The following SEMA5A variants were observed in gnomAD, a reference collection of about 807,000 sequenced individuals.
SEMA5A encodes the protein semaphorin-5A.
A neutral mutation model predicts 135.5 loss-of-function variants in SEMA5A; 55 were observed. That is an observed-to-expected ratio of 0.41 (90% CI 0.33 to 0.51). SEMA5A has a LOEUF of 0.51. Among genes scored for constraint, SEMA5A ranks in the 20% least tolerant of loss-of-function variants. The pLI is 0.37. For synonymous variants in SEMA5A, 580 were observed against 546.5 expected (o/e 1.06, Z -0.85); for missense variants, 1,290 against 1,419.9 (o/e 0.91, Z 1.47).
At chr5:9,232,248 C>T (rs764865033) in intron 6 of SEMA5A, among the ~76,000 whole-genome samples, 1 of 152,084 alleles carries the variant, frequency 6.6e-6, no homozygotes, top group Non-Finnish European at 1.5e-5. Flanking sequence ...ATACCCAGCC[C>T]GTCGCCCAGC....
intron 5 of SEMA5A, among the ~76,000 whole-genome samples, chr5:9,317,615 C>T (rs1482386046): frequency 1.3e-5 from 2 of 152,198 alleles, no homozygotes; most frequent in Non-Finnish European, 2.9e-5. Context: ...CCTCTCCAAT[C>T]ACCTCTTAGA....
At chr5:9,543,401 A>G (rs536722284) in intron 1 of SEMA5A, among the ~76,000 whole-genome samples, 1 of 152,346 alleles carries the variant, frequency 6.6e-6, no homozygotes, top group Admixed American at 6.5e-5. Context: ...TGATGAAATC[A>G]TTTTAAAGGG....
At chr5:9,326,625 CAA>C (rs1310625772) in intron 4 of SEMA5A, among the ~76,000 whole-genome samples, 2 of 151,334 alleles carry the variant, frequency 1.3e-5, no homozygotes, top group East Asian at 4.0e-4. Flanking sequence ...ACTAAATATA[CAA>C]AAAAATTAGC....
intron 11 of SEMA5A, among the ~76,000 whole-genome samples, chr5:9,164,125 CATATAAATATTTATATAATTATAAAT>C (rs1579519874): frequency 9.8e-6 from 1 of 101,584 alleles, no homozygotes; most frequent in East Asian, 2.9e-4. Flanking sequence ...ATAAATATAT[CATATAAATATTTATATAATTATAAAT>C]ATATCATATA....
chr5:9,299,398 T>C (rs1234457632), intron 5 of SEMA5A, among the ~76,000 whole-genome samples: 2 of 152,174 alleles, frequency 1.3e-5, no homozygotes, highest in Non-Finnish European at 2.9e-5. Context: ...CTGGAAGGTT[T>C]GAATTCAGTT....
At chr5:9,303,600 C>T (rs13163735) in intron 5 of SEMA5A, among the ~76,000 whole-genome samples, 104,171 of 151,842 alleles carry the variant, frequency 0.69, 38,521 homozygotes, top group Non-Finnish European at 0.83. Flanking sequence ...GAGAGACTTT[C>T]GAATGTTCTC....
At chr5:9,476,563 G>A (rs1225654768) in intron 1 of SEMA5A, among the ~76,000 whole-genome samples, 3 of 152,106 alleles carry the variant, frequency 2.0e-5, no homozygotes, top group East Asian at 3.9e-4. Context: ...CAGGCTGGAT[G>A]GAGTCATGAT....
rs1012832375 is a variant in SEMA5A at position 9,397,064 on chromosome 5, A to T, written c.-77-17041T>A. Among the ~76,000 whole-genome samples the T allele has an allele frequency of 4.7e-5, 7 of 150,022 alleles. No homozygotes were observed. In the South Asian group the frequency reaches 1.1e-3, roughly 23 times the overall value. On this transcript the variant is annotated intron_variant, in intron 2 of 22. Coordinates refer to ENST00000382496, the MANE Select transcript of SEMA5A (RefSeq NM_003966.3). ...AACAAGGAAGACAAAAAAAAAAAAT[A>T]GGACCAAAGAAGACAAAATAAAATC...
intron 15 of SEMA5A, among the ~76,000 whole-genome samples, chr5:9,110,332 G>C (rs1235066977): frequency 6.6e-6 from 1 of 152,154 alleles, no homozygotes; most frequent in African/African-American, 2.4e-5. Context: ...TGAGATTCGA[G>C]GAGCTCCTCA....
At chr5:9,157,300 A>T (rs1806101) in intron 11 of SEMA5A, among the ~76,000 whole-genome samples, 1 of 151,910 alleles carries the variant, frequency 6.6e-6, no homozygotes, top group East Asian at 1.9e-4. Flanking sequence ...TGATTACCCT[A>T]GGGTCTGTCT....
intron 19 of SEMA5A, among the ~76,000 whole-genome samples, chr5:9,052,565 A>G (rs1579307095): frequency 6.6e-6 from 1 of 152,162 alleles, no homozygotes; most frequent in South Asian, 2.1e-4. Context: ...TTCTGTTATA[A>G]AAACAATTCC....
intron 3 of SEMA5A, among the ~76,000 whole-genome samples, chr5:9,355,524 AT>A (rs1754402654): frequency 6.6e-6 from 1 of 152,180 alleles, no homozygotes; most frequent in African/African-American, 2.4e-5. Flanking sequence ...CTATGGGGTG[AT>A]TTCTGAGACA....
chr5:9,346,567 G>A (rs558836390), intron 3 of SEMA5A, among the ~76,000 whole-genome samples: 85 of 152,266 alleles, frequency 5.6e-4, no homozygotes, highest in African/African-American at 1.9e-3. Flanking sequence ...ACAGGGAGTT[G>A]GCTCCTGCCA....
At chr5:9,425,218 C>G (rs1561242575) in intron 2 of SEMA5A, among the ~76,000 whole-genome samples, 1 of 151,700 alleles carries the variant, frequency 6.6e-6, no homozygotes, top group Non-Finnish European at 1.5e-5. Context: ...AGCACTTAAC[C>G]ACTGGACAAT....
At chr5:9,365,729 T>C (rs149392775) in intron 3 of SEMA5A, among the ~76,000 whole-genome samples, 379 of 152,284 alleles carry the variant, frequency 2.5e-3, no homozygotes, top group African/African-American at 8.4e-3. Context: ...ATGCAAACAA[T>C]TCTGCACATG....
At chr5:9,326,212 A>G (rs555958642) in intron 4 of SEMA5A, among the ~76,000 whole-genome samples, 2 of 152,094 alleles carry the variant, frequency 1.3e-5, no homozygotes, top group Non-Finnish European at 2.9e-5. Flanking sequence ...GACATCCTAC[A>G]TGATACGCAC....
chr5:9,494,529 T>C lies in SEMA5A; in HGVS notation c.-175+51055A>G, dbSNP rs570110288. 2.6e-5 allele frequency among the ~76,000 whole-genome samples: 4 copies of C among 152,302 alleles called. No individual in the cohort carries two copies. The East Asian group carries it at 7.7e-4, about 29-fold the overall frequency. On this transcript the variant is annotated intron_variant, in intron 1 of 22. Coordinates refer to ENST00000382496, the MANE Select transcript of SEMA5A (RefSeq NM_003966.3). Reference sequence around the variant, plus strand: ...AGGGCAGATGCTTCCTAATTGACACTGCTCCTAGCCCCCAGGCCCTGATCT... The same window carrying C: ...AGGGCAGATGCTTCCTAATTGACACCGCTCCTAGCCCCCAGGCCCTGATCT...
chr5:9,150,338 G>A (rs1008142769), intron 12 of SEMA5A, among the ~76,000 whole-genome samples: 27 of 152,104 alleles, frequency 1.8e-4, no homozygotes, highest in African/African-American at 6.3e-4. Context: ...TGGTCAATAA[G>A]GCCTAAAATG....
At chr5:9,494,434 CAG>C (rs1477479014) in intron 1 of SEMA5A, among the ~76,000 whole-genome samples, 1 of 152,168 alleles carries the variant, frequency 6.6e-6, no homozygotes, top group Non-Finnish European at 1.5e-5. Flanking sequence ...TTAATCAGAA[CAG>C]AGTCTATTCA....
Sources: allele counts gnomAD v4.1 joint callset (sites outside exome capture counted in the v4.1 genomes callset), GRCh38; gene constraint gnomAD v4.1.1; transcripts MANE v1.5; gene names NCBI Gene and HGNC (gene_info 2026-07-23, HGNC 2026-07-21).